FAM13C: variants seen among roughly 807,000 people sequenced by gnomAD.
FAM13C encodes protein FAM13C.
A neutral mutation model predicts 73.2 loss-of-function variants in FAM13C; 37 were observed. The observed-to-expected ratio is 0.51, with a 90% confidence interval of 0.39 to 0.67. FAM13C has a LOEUF of 0.67. Ranked by LOEUF, FAM13C falls within the 30% of genes least tolerant of loss-of-function variation. The pLI is 0.00. For synonymous variants in FAM13C, 246 were observed against 260.9 expected (o/e 0.94, Z 0.55); for missense variants, 589 against 715.6 (o/e 0.82, Z 2.02).
intron 9 of FAM13C, chr10:59,263,811 A>G (rs924758935): frequency 3.8e-5 from 16 of 419,598 alleles, no homozygotes; most frequent in African/African-American, 2.8e-4. Flanking sequence ...TAGGGAGGTT[A>G]GTGCTCCACA....
intron 6 of FAM13C, among the ~76,000 whole-genome samples, chr10:59,273,348 T>A (rs1843941279): frequency 6.6e-6 from 1 of 152,176 alleles, no homozygotes; most frequent in Non-Finnish European, 1.5e-5. Context: ...ATATTATTAT[T>A]AATATAAGAA....
chr10:59,290,541 T>C (rs1453010909), intron 5 of FAM13C, among the ~76,000 whole-genome samples: 3 of 152,228 alleles, frequency 2.0e-5, no homozygotes, highest in Admixed American at 1.3e-4. Context: ...CTGATTCACC[T>C]GCTCTCTGCC....
chr10:59,273,558 A>ATGTAT (rs1843967071), intron 6 of FAM13C, among the ~76,000 whole-genome samples: 2 of 152,122 alleles, frequency 1.3e-5, no homozygotes, highest in Admixed American at 1.3e-4. Context: ...GATTTTTTGC[A>ATGTAT]TGTATTTAAT....
chr10:59,354,432 G>A (rs576185901), intron 2 of FAM13C, among the ~76,000 whole-genome samples: 2 of 152,264 alleles, frequency 1.3e-5, no homozygotes, highest in Admixed American at 6.5e-5. Context: ...CTACTTATCG[G>A]AATAAATCAT....
In FAM13C at chr10:59,270,040, C is replaced by T. The variant is rs891436556; in HGVS notation, c.662G>A (p.Gly221Glu). Residue 221 changes from glycine to glutamate, a missense_variant, in exon 7 of 14, where the codon GGG (glycine) becomes GAG (glutamate). Physicochemically the swap from Gly to Glu is moderately conservative, Grantham distance 98. Coordinates refer to ENST00000618804, the MANE Select transcript of FAM13C (RefSeq NM_198215.4). ...DSAPEDLHSV[G>E]TSRLLYHITD... ...GATGTGATAGAGCAGCCTGCTGGTC[C>T]CCACAGAGTGGAGGTCTTCTGGTGC... 1.2e-6 allele frequency: 2 copies of T among 1,613,798 alleles called. No homozygotes were observed. Among genetic ancestry groups the T allele is most frequent in the Non-Finnish European group, 1.7e-6 (2 of 1,179,848 alleles).
intron 3 of FAM13C, among the ~76,000 whole-genome samples, chr10:59,350,383 T>C (rs931229332): frequency 1.3e-5 from 2 of 152,158 alleles, no homozygotes; most frequent in African/African-American, 4.8e-5. Flanking sequence ...TGAGGAGAGA[T>C]GGCTGGTCAC....
At chr10:59,348,111 T>A (rs1854555150) in intron 3 of FAM13C, among the ~76,000 whole-genome samples, 1 of 152,224 alleles carries the variant, frequency 6.6e-6, no homozygotes, top group Non-Finnish European at 1.5e-5. Context: ...AACCCCAATA[T>A]GGCAGTAGCG....
intron 4 of FAM13C, among the ~76,000 whole-genome samples, chr10:59,308,595 C>T (rs977642933): frequency 6.6e-6 from 1 of 151,758 alleles, no homozygotes; most frequent in African/African-American, 2.4e-5. Context: ...CACCACCAAC[C>T]AGCATCACCA....
chr10:59,335,172 C>A (rs752021137), intron 3 of FAM13C, among the ~76,000 whole-genome samples: 1 of 152,192 alleles, frequency 6.6e-6, no homozygotes, highest in Non-Finnish European at 1.5e-5. Flanking sequence ...AGTCTTTAAT[C>A]AGACTCTTCA....
chr10:59,323,359 G>T (rs1286581738), intron 4 of FAM13C: 1 of 152,664 alleles, frequency 6.6e-6, no homozygotes, highest in Non-Finnish European at 1.5e-5. Context: ...TGGATCCAGG[G>T]CTGTCTCCAG....
In FAM13C at chr10:59,252,806, C is replaced by A; in HGVS notation, c.1525G>T (p.Ala509Ser). 1 of 1,613,536 alleles carries A rather than the reference C, an allele frequency of 6.2e-7. No homozygotes were observed. The highest frequency in any genetic ancestry group is 8.5e-7 in the Non-Finnish European group (1 of 1,179,734). The change falls in exon 12 of 14, where the codon GCT becomes TCT. Residue 509 changes from alanine (A) to serine (S), a missense_variant. Physicochemically the swap from Ala to Ser is moderately conservative, Grantham distance 99. Coordinates refer to ENST00000618804, the MANE Select transcript of FAM13C (RefSeq NM_198215.4). ...PALSMSNLHE[A>S]TMPVLLDHLR... ...CTTAGGATTCATACTCACATGGTAGCCTCATGTAAATTAGACATGGAGAGA... is the reference window on the plus strand; with the variant it reads ...CTTAGGATTCATACTCACATGGTAGACTCATGTAAATTAGACATGGAGAGA...
chr10:59,317,213 A>T (rs1237129757), intron 4 of FAM13C, among the ~76,000 whole-genome samples: 4 of 152,008 alleles, frequency 2.6e-5, no homozygotes, highest in African/African-American at 9.7e-5. Flanking sequence ...TATAACAGAA[A>T]TATGGGAGTA....
At chr10:59,252,183 C>T (rs1841447684) in intron 12 of FAM13C, among the ~76,000 whole-genome samples, 1 of 152,104 alleles carries the variant, frequency 6.6e-6, no homozygotes, top group Non-Finnish European at 1.5e-5. Flanking sequence ...CTTCATTCTA[C>T]CAAGATGAGA....
In FAM13C at chr10:59,247,492, G is replaced by T. The variant is rs1295164152; in HGVS notation, c.*122C>A. 1 of 1,205,650 alleles carries T rather than the reference G, an allele frequency of 8.3e-7. No individual in the cohort carries two copies. The highest frequency in any genetic ancestry group is 1.2e-6 in the Non-Finnish European group (1 of 836,038). 74.7% of individuals were successfully genotyped at this position (1,205,650 alleles called of 1,614,324 possible). A position where few individuals can be genotyped will look rare whatever the true frequency, so the allele number is the denominator to read the frequency against. ...AACTTGCTATTCCTTCTTAAAAACA[G>T]CTAATACTACCACTAAAGTGCTTCC... On this transcript the variant is annotated 3_prime_UTR_variant, in exon 14 of 14. Coordinates refer to ENST00000618804, the MANE Select transcript of FAM13C (RefSeq NM_198215.4).
chr10:59,250,871 A>T (rs1271058829), intron 13 of FAM13C, among the ~76,000 whole-genome samples: 2 of 152,166 alleles, frequency 1.3e-5, no homozygotes, highest in Non-Finnish European at 2.9e-5. Context: ...CAGGAGTCCA[A>T]CCATTTCAGC....
intron 10 of FAM13C, among the ~76,000 whole-genome samples, chr10:59,258,699 A>G (rs1842178351): frequency 6.6e-6 from 1 of 152,120 alleles, no homozygotes; most frequent in African/African-American, 2.4e-5. Context: ...AGTATTATCT[A>G]TTCAATAATT....
intron 12 of FAM13C, 71 bp from the exon 13 acceptor site, chr10:59,251,747 C>A: frequency 8.4e-7 from 1 of 1,190,058 alleles, no homozygotes; most frequent in Non-Finnish European, 1.2e-6. Flanking sequence ...GCAGATTTAT[C>A]TGTTCAGCCA....
chr10:59,248,414 A>T (rs1368660840), intron 13 of FAM13C, among the ~76,000 whole-genome samples: 2 of 152,106 alleles, frequency 1.3e-5, no homozygotes, highest in Admixed American at 1.3e-4. Flanking sequence ...TATGCAGCAT[A>T]CTCTTGCTGT....
In FAM13C at chr10:59,352,434, G is replaced by C. The variant is rs780682946; in HGVS notation, c.160C>G (p.Leu54Val). ...GAGGGCGGCGCGTGCTCTTCTACCAGAGCCCCTGCGTCGGGGTAGTTCTCT... is the reference window on the plus strand; with the variant it reads ...GAGGGCGGCGCGTGCTCTTCTACCACAGCCCCTGCGTCGGGGTAGTTCTCT... ...NKENYPDAGA[L>V]VEEHAPPSWE... Residue 54 changes from leucine to valine, a missense_variant, in exon 3 of 14, where the codon CTG becomes GTG. Coordinates refer to ENST00000618804, the MANE Select transcript of FAM13C (RefSeq NM_198215.4). 1 of 1,613,564 alleles carries C rather than the reference G, an allele frequency of 6.2e-7. No homozygotes were observed. The highest frequency in any genetic ancestry group is 1.1e-5 in the South Asian group (1 of 91,030).
Sources: gnomAD v4.1 joint callset for allele counts (sites outside exome capture counted in the v4.1 genomes callset) on GRCh38, gnomAD v4.1.1 for gene constraint, MANE v1.5 for transcripts, NCBI Gene and HGNC (gene_info 2026-07-23, HGNC 2026-07-21) for gene names.